The following CLCN2 variants were observed in gnomAD, a reference collection of about 807,000 sequenced individuals.
The protein encoded by CLCN2 is chloride voltage-gated channel 2, also known as chloride channel protein 2.
A neutral mutation model predicts 108.3 loss-of-function variants in CLCN2; 72 were observed. That is an observed-to-expected ratio of 0.66 (90% CI 0.55 to 0.81). The LOEUF is 0.81. CLCN2 is among the 30% of genes least tolerant of loss of function. The pLI, the probability that CLCN2 is intolerant of heterozygous loss-of-function variation, is 0.00. For synonymous variants in CLCN2, 471 were observed against 467.1 expected (o/e 1.01, Z -0.11); for missense variants, 1,048 against 1,205.2 (o/e 0.87, Z 1.93).
chr3:184,347,027 G>C lies in CLCN2; in HGVS notation c.2416-6C>G, dbSNP rs754120542. On this transcript the variant is annotated splice_polypyrimidine_tract_variant and splice_region_variant and intron_variant, in intron 22 of 23. Coordinates refer to ENST00000265593, the MANE Select transcript of CLCN2 (RefSeq NM_004366.6). ...AGTGAGAAGATAGTGTGAGTCTGCA[G>C]TGTGGGGAGAAAAGCGATTGGACTT... 9.9e-6 allele frequency: 16 copies of C among 1,612,464 alleles called. No individual in the cohort carries two copies. The highest frequency in any genetic ancestry group is 4.2e-6 in the Non-Finnish European group (5 of 1,178,600).
Position 184,346,986 on chromosome 3 carries a change from A to T in CLCN2, c.2451T>A (p.His817Gln), listed in dbSNP as rs772885520. 2 of 1,614,108 alleles carry T rather than the reference A, an allele frequency of 1.2e-6. No homozygotes were observed. Among genetic ancestry groups the T allele is most frequent in the Non-Finnish European group, 1.7e-6 (2 of 1,179,974 alleles). Residue 817 changes from histidine to glutamine, a missense_variant, in exon 23 of 24, where the codon CAT (histidine) becomes CAA (glutamine). Coordinates refer to ENST00000265593, the MANE Select transcript of CLCN2 (RefSeq NM_004366.6). This position sits in a 1 kb window ranked among gnomAD's most constrained non-coding sequence, Gnocchi z 6.0. ...HTIFSLLGVDHAYVTSIGRLI... is the reference protein window; with the variant it reads ...HTIFSLLGVDQAYVTSIGRLI... ...GTCTGCCAATACTGGTGACATAAGC[A>T]TGGTCCACTCCCAGCAGTGAGAAGA...
At chr3:184,352,841 C>A (rs562990957) in intron 18 of CLCN2, 31 bp from the exon 19 acceptor site, 1 of 1,611,272 alleles carries the variant, frequency 6.2e-7, no homozygotes, top group Non-Finnish European at 8.5e-7. Flanking sequence ...CCCCAGGGGG[C>A]AATGTCATCT....
chr3:184,352,901 C>T, intron 18 of CLCN2, 91 bp from the exon 19 acceptor site: 1 of 1,551,962 alleles, frequency 6.4e-7, no homozygotes, highest in Non-Finnish European at 8.9e-7. Flanking sequence ...AGAGGTATCC[C>T]AGTTCCAGCC....
Position 184,357,991 on chromosome 3 carries a change from G to A in CLCN2, c.586C>T (p.Leu196=), listed in dbSNP as rs1260708301. Reference sequence around the variant, plus strand: ...TTGCCAAGCGGCATCCCGCTGCCTAGGGCGCAGGTCAGCCCAATGACCTTA... The same window carrying A: ...TTGCCAAGCGGCATCCCGCTGCCTAAGGCGCAGGTCAGCCCAATGACCTTA... ...IAKVIGLTCA[L]GSGMPLGKEG... is the part of the protein sequence containing the mutation. Residue 196 remains leucine (L), a synonymous_variant, in exon 5 of 24, where the codon CTA becomes TTA. Coordinates refer to ENST00000265593, the MANE Select transcript of CLCN2 (RefSeq NM_004366.6). 3 of 1,614,078 alleles carry A rather than the reference G, an allele frequency of 1.9e-6. No individual in the cohort carries two copies. The highest frequency in any genetic ancestry group is 2.2e-5 in the South Asian group (2 of 91,092).
chr3:184,356,668 C>G, intron 10 of CLCN2: 1 of 320,366 alleles, frequency 3.1e-6, no homozygotes, highest in East Asian at 7.2e-5. Flanking sequence ...GAGATCTCAT[C>G]TATCCCCATG....
At position 184,353,024 on chromosome 3, in the gene CLCN2, T is replaced by A; in HGVS notation, c.2143+9A>T. ...TGAGGCTCTGTGGACACAGGAGACATGGGCTTACCTGTGGGACTCTCTCCG... is the reference window on the plus strand; with the variant it reads ...TGAGGCTCTGTGGACACAGGAGACAAGGGCTTACCTGTGGGACTCTCTCCG... On this transcript the variant is annotated intron_variant, in intron 18 of 23. Coordinates refer to ENST00000265593, the MANE Select transcript of CLCN2 (RefSeq NM_004366.6). 6.2e-7 allele frequency: 1 copy of A among 1,608,934 alleles called. No homozygotes were observed. The highest frequency in any genetic ancestry group is 1.7e-4 in the Middle Eastern group (1 of 6,054).
At chr3:184,354,694 G>A (rs778249479) in intron 13 of CLCN2, 36 bp from the exon 14 acceptor site, 6 of 1,478,206 alleles carry the variant, frequency 4.1e-6, no homozygotes, top group African/African-American at 2.8e-5. Flanking sequence ...AAGAGGCAGT[G>A]GAGGGGGAGG....
intron 22 of CLCN2, among the ~76,000 whole-genome samples, chr3:184,349,888 G>T (rs1051165226): frequency 2.6e-5 from 4 of 152,170 alleles, no homozygotes; most frequent in African/African-American, 9.7e-5. Context: ...TCCGTGGGTG[G>T]CCTCTGAATG....
Sources: gnomAD v4.1 joint callset for allele counts (sites outside exome capture counted in the v4.1 genomes callset) on GRCh38, gnomAD v4.1.1 for gene constraint, Gnocchi (gnomAD v3.1) non-coding constraint, MANE v1.5 for transcripts, NCBI Gene and HGNC (gene_info 2026-07-23, HGNC 2026-07-21) for gene names.